NRG2: variants seen among roughly 807,000 people sequenced by gnomAD.
NRG2 encodes neuregulin 2.
NRG2 carries 27 observed loss-of-function variants against 73.9 expected under a neutral mutation model. That is an observed-to-expected ratio of 0.37 (90% CI 0.27 to 0.50). The LOEUF (loss-of-function observed/expected upper bound fraction) is 0.50, where lower values mean the gene tolerates loss of function less well. Ranked by LOEUF, NRG2 falls within the 20% of genes least tolerant of loss-of-function variation. The pLI, the probability that NRG2 is intolerant of heterozygous loss-of-function variation, is 0.96. For synonymous variants in NRG2, 532 were observed against 541.0 expected, an observed-to-expected ratio of 0.98 and a Z score of 0.23; for missense variants, 1,126 against 1,210.1, an observed-to-expected ratio of 0.93 and a Z score of 1.03.
intron 5 of NRG2, chr5:139,864,940 C>G: frequency 1.4e-6 from 1 of 697,324 alleles, no homozygotes; most frequent in Non-Finnish European, 2.7e-6. Context: ...TTACTGTGCC[C>G]AGGAGGTACA....
chr5:139,897,302 G>C (rs747365026), intron 1 of NRG2, among the ~76,000 whole-genome samples: 1 of 152,210 alleles, frequency 6.6e-6, no homozygotes, highest in Non-Finnish European at 1.5e-5. Flanking sequence ...TAAGATTGTG[G>C]AGAGAATTAA....
At chr5:140,039,823 C>T (rs1032385767) in intron 1 of NRG2, among the ~76,000 whole-genome samples, 1 of 152,194 alleles carries the variant, frequency 6.6e-6, no homozygotes, top group African/African-American at 2.4e-5. Context: ...ATGTAACGGC[C>T]ATGACGACAG....
chr5:139,859,873 C>T (rs1006329341), intron 5 of NRG2: 1 of 1,612,152 alleles, frequency 6.2e-7, no homozygotes, highest in African/African-American at 1.3e-5. Flanking sequence ...CTGAGTGACA[C>T]ACAGAGGTTT....
chr5:139,913,989 C>CA (rs201803258), intron 1 of NRG2, among the ~76,000 whole-genome samples: 4,495 of 151,732 alleles, frequency 0.03, 124 homozygotes, highest in African/African-American at 0.075. Context: ...TCTGTCTCTA[C>CA]AAAAAAATAC....
intron 1 of NRG2, among the ~76,000 whole-genome samples, chr5:139,919,966 T>C (rs1210813958): frequency 6.6e-6 from 1 of 152,206 alleles, no homozygotes; most frequent in East Asian, 1.9e-4. Flanking sequence ...CCTGTAAACT[T>C]GCTTAGGTTC....
chr5:139,993,005 C>G (rs999666793), intron 1 of NRG2, among the ~76,000 whole-genome samples: 2 of 151,310 alleles, frequency 1.3e-5, no homozygotes, highest in African/African-American at 4.9e-5. Context: ...TCTTGCAATC[C>G]ATTTGGTAAA....
chr5:139,884,200 T>G (rs1257659253), intron 2 of NRG2, among the ~76,000 whole-genome samples: 1 of 152,110 alleles, frequency 6.6e-6, no homozygotes, highest in East Asian at 1.9e-4. Context: ...GACAGATCCC[T>G]CTACAAAGCA....
intron 3 of NRG2, among the ~76,000 whole-genome samples, chr5:139,874,734 C>T (rs1266645517): frequency 6.6e-6 from 1 of 152,176 alleles, no homozygotes; most frequent in Non-Finnish European, 1.5e-5. Flanking sequence ...ATAAAGCCCC[C>T]AACTTCTTCC....
intron 1 of NRG2, among the ~76,000 whole-genome samples, chr5:139,966,664 A>G (rs1253253993): frequency 6.6e-6 from 1 of 152,156 alleles, no homozygotes; most frequent in African/African-American, 2.4e-5. Context: ...GACTTAAAAA[A>G]GGAGAAAAGG....
chr5:139,862,478 G>C (rs1473786656), intron 5 of NRG2, among the ~76,000 whole-genome samples: 1 of 152,222 alleles, frequency 6.6e-6, no homozygotes, highest in African/African-American at 2.4e-5. Context: ...TGAGTCACCG[G>C]AAGGTCCTAT....
At chr5:140,016,682 A>G (rs1346285449) in intron 1 of NRG2, among the ~76,000 whole-genome samples, 1 of 152,252 alleles carries the variant, frequency 6.6e-6, no homozygotes, top group Admixed American at 6.5e-5. Context: ...TAGCACATCT[A>G]TGGCTTCGTC....
At chr5:139,920,059 A>T (rs1425622913) in intron 1 of NRG2, among the ~76,000 whole-genome samples, 4 of 152,226 alleles carry the variant, frequency 2.6e-5, no homozygotes, top group Admixed American at 2.0e-4. Context: ...GACCACAGGG[A>T]ACATCTCAAA....
rs910927222 is a variant in NRG2 at position 139,975,328 on chromosome 5, G to C, written c.700+67042C>G. Among the ~76,000 whole-genome samples, 3 of 152,196 alleles carry C rather than the reference G, an allele frequency of 2.0e-5. No homozygotes were observed. In the East Asian group the frequency reaches 5.8e-4, roughly 29 times the overall value. ...CCTTTTGCCTGTTCTGCATGCCCCA[G>C]GGCCTCCGAGGCACAGACAGCAGCC... On this transcript the variant is annotated intron_variant, in intron 1 of 9. Transcript: ENST00000361474.
intron 1 of NRG2, among the ~76,000 whole-genome samples, chr5:139,989,978 C>CG (rs1757474483): frequency 6.8e-6 from 1 of 148,140 alleles, no homozygotes; most frequent in Non-Finnish European, 1.5e-5. Context: ...TTAGTAGAGA[C>CG]GGGGTTTCAC....
At chr5:139,912,075 C>T (rs1340361864) in intron 1 of NRG2, among the ~76,000 whole-genome samples, 1 of 152,102 alleles carries the variant, frequency 6.6e-6, no homozygotes, top group African/African-American at 2.4e-5. Context: ...ATGAGTGGCC[C>T]ACCCTCTTGG....
chr5:140,017,140 T>A (rs1044276423), intron 1 of NRG2, among the ~76,000 whole-genome samples: 2 of 152,104 alleles, frequency 1.3e-5, no homozygotes, highest in Non-Finnish European at 2.9e-5. Flanking sequence ...TGGGTGATGT[T>A]AGTAAAAAGC....
intron 2 of NRG2, among the ~76,000 whole-genome samples, chr5:139,882,948 G>A (rs1763626031): frequency 1.3e-5 from 2 of 152,142 alleles, no homozygotes; most frequent in African/African-American, 2.4e-5. Context: ...CCTGAGGCTT[G>A]CTGCAGATGT....
intron 3 of NRG2, among the ~76,000 whole-genome samples, chr5:139,876,122 A>G (rs1247982759): frequency 2.0e-5 from 3 of 152,166 alleles, no homozygotes; most frequent in African/African-American, 7.2e-5. Context: ...AAGAATCCAA[A>G]CTTATGAGTG....
rs371544327 is a variant in NRG2, at chr5:139,887,429, G to A, written c.783C>T (p.Ala261=). The change falls in exon 2 of 10, where the codon GCC becomes GCT. Residue 261 remains alanine, a synonymous_variant. Transcript: ENST00000361474. The surrounding 1 kb of genome is among the most constrained non-coding windows in gnomAD (Gnocchi z 4.5). ...AACGGTAGGAAGGCTGGGGATTACC[G>A]GCTGCTGCCTCACACTTCAGCGATT... The part of the protein sequence containing the change: ...EKQSLKCEAA[A]GNPQPSYRWF... 91 of 1,614,232 alleles carry A rather than the reference G, an allele frequency of 5.6e-5. No homozygotes were observed. The highest frequency in any genetic ancestry group is 4.4e-4 in the African/African-American group (33 of 75,062).
Sources: gnomAD v4.1 joint callset for allele counts (sites outside exome capture counted in the v4.1 genomes callset) on GRCh38, gnomAD v4.1.1 for gene constraint, Gnocchi (gnomAD v3.1) non-coding constraint, MANE v1.5 for transcripts, NCBI Gene and HGNC (gene_info 2026-07-23, HGNC 2026-07-21) for gene names.